The following FIP1L1 variants were observed in gnomAD, a reference collection of about 807,000 sequenced individuals.
FIP1L1 encodes the protein factor interacting with PAPOLA and CPSF1.
Under a neutral mutation model 84.6 loss-of-function variants are expected in FIP1L1, and 21 were observed. The observed-to-expected ratio is 0.25, with a 90% CI of 0.18 to 0.36. The LOEUF (loss-of-function observed/expected upper bound fraction) is 0.36, where lower values mean the gene tolerates loss of function less well. Among genes scored for constraint, FIP1L1 ranks in the 10% least tolerant of loss-of-function variants. The pLI is 1.00. For missense variants in FIP1L1, 526 were observed against 751.1 expected (o/e 0.70, Z 3.50); for synonymous variants, 263 against 242.3 (o/e 1.09, Z -0.80).
At chr4:53,407,524 G>T (rs1271638977) in intron 10 of FIP1L1, among the ~76,000 whole-genome samples, 1 of 152,070 alleles carries the variant, frequency 6.6e-6, no homozygotes, top group African/African-American at 2.4e-5. Flanking sequence ...TGTCTATTAG[G>T]TCTGCTTGGT....
rs193270538 is a variant in FIP1L1 at position 53,409,326 on chromosome 4, G to A, written c.816-5289G>A. Among the ~76,000 whole-genome samples the A allele has an allele frequency of 9.2e-5, 14 of 152,266 alleles. No homozygotes were observed. The East Asian group carries it at 1.9e-3, about 21-fold the overall frequency. On this transcript the variant is annotated intron_variant, in intron 10 of 17. Coordinates refer to ENST00000337488, the MANE Select transcript of FIP1L1 (RefSeq NM_030917.4). ...AGAACAGCGGATTTTCGTGAACCGCGAATGCTGCTGTCTGATCGTTCCTCT... is the reference window on the plus strand; with the variant it reads ...AGAACAGCGGATTTTCGTGAACCGCAAATGCTGCTGTCTGATCGTTCCTCT...
chr4:53,426,725 A>G (rs1764506465), intron 12 of FIP1L1, among the ~76,000 whole-genome samples: 1 of 152,148 alleles, frequency 6.6e-6, no homozygotes, highest in South Asian at 2.1e-4. Context: ...ATGTTTTCAT[A>G]TTCTTAAAAT....
At chr4:53,407,995 T>G (rs916725743) in intron 10 of FIP1L1, among the ~76,000 whole-genome samples, 1 of 152,214 alleles carries the variant, frequency 6.6e-6, no homozygotes, top group African/African-American at 2.4e-5. Flanking sequence ...TTCATTTACA[T>G]TTAAAGCTAA....
At chr4:53,431,182 G>A (rs1766491229) in intron 13 of FIP1L1, among the ~76,000 whole-genome samples, 1 of 152,164 alleles carries the variant, frequency 6.6e-6, no homozygotes, top group Admixed American at 6.5e-5. Flanking sequence ...AATCAGGATG[G>A]GCACTGGCTC....
chr4:53,411,322 A>G (rs1757110788), intron 10 of FIP1L1, among the ~76,000 whole-genome samples: 1 of 152,166 alleles, frequency 6.6e-6, no homozygotes, highest in Non-Finnish European at 1.5e-5. Context: ...AAAAATGAAT[A>G]ATTACCACTG....
intron 10 of FIP1L1, among the ~76,000 whole-genome samples, chr4:53,408,354 G>C (rs7679743): frequency 0.81 from 123,281 of 152,112 alleles, 50,115 homozygotes; most frequent in Middle Eastern, 0.86. Context: ...GAGTTTCTGC[G>C]GAGAGATCTG....
rs892806500 is a variant in FIP1L1 at position 53,430,115 on chromosome 4, A to G, written c.1174+1932A>G. Among the ~76,000 whole-genome samples the G allele has an allele frequency of 1.7e-4, 26 of 152,144 alleles. 3 individuals carry two copies. Among genetic ancestry groups the G allele is most frequent in the Admixed American group, 1.4e-3 (22 of 15,286 alleles). On this transcript the variant is annotated intron_variant, in intron 13 of 17. Transcript: ENST00000337488. Reference sequence around the variant, plus strand: ...TTGTCACAAATGACAGAATGAAAGGATTTCCTTATTTACAAATATAGTATA... The same window carrying G: ...TTGTCACAAATGACAGAATGAAAGGGTTTCCTTATTTACAAATATAGTATA...
chr4:53,424,707 T>G (rs1159218265), intron 11 of FIP1L1, among the ~76,000 whole-genome samples: 1 of 152,112 alleles, frequency 6.6e-6, no homozygotes, highest in Non-Finnish European at 1.5e-5. Context: ...AGATAAACTC[T>G]TACTAACTCA....
intron 7 of FIP1L1, 69 bp from the exon 8 acceptor site, chr4:53,390,940 G>T: frequency 8.0e-7 from 1 of 1,245,034 alleles, no homozygotes; most frequent in South Asian, 1.6e-5. Context: ...TTATAGTTTA[G>T]TATATTTTTG....
At chr4:53,395,995 T>A (rs1419851816) in intron 9 of FIP1L1, among the ~76,000 whole-genome samples, 1 of 152,010 alleles carries the variant, frequency 6.6e-6, no homozygotes, top group East Asian at 1.9e-4. Context: ...CTTGGCTCAC[T>A]GCAACCTCTA....
chr4:53,407,479 A>G (rs555150115), intron 10 of FIP1L1, among the ~76,000 whole-genome samples: 3 of 151,980 alleles, frequency 2.0e-5, no homozygotes, highest in South Asian at 2.1e-4. Flanking sequence ...AAAAAAATGT[A>G]TATTCTGTTG....
intron 10 of FIP1L1, among the ~76,000 whole-genome samples, chr4:53,404,257 G>A (rs13152101): frequency 6.9e-6 from 1 of 145,404 alleles, no homozygotes; most frequent in African/African-American, 2.6e-5. Context: ...GAGAATATGC[G>A]GTGTTTGGTT....
At chr4:53,411,815 T>C (rs1578543221) in intron 10 of FIP1L1, among the ~76,000 whole-genome samples, 1 of 152,180 alleles carries the variant, frequency 6.6e-6, no homozygotes, top group African/African-American at 2.4e-5. Context: ...TAAAATTTTA[T>C]ATTTAATATA....
intron 16 of FIP1L1, chr4:53,458,405 G>A (rs1020980398): frequency 2.1e-4 from 60 of 282,820 alleles, no homozygotes; most frequent in Admixed American, 7.1e-4. Context: ...AGCTATGAAA[G>A]CACAGAACAA....
At chr4:53,418,931 C>CA (rs1289453696) in intron 11 of FIP1L1, among the ~76,000 whole-genome samples, 1 of 152,164 alleles carries the variant, frequency 6.6e-6, no homozygotes, top group African/African-American at 2.4e-5. Flanking sequence ...AAGATGTGCC[C>CA]ATACCTTGGG....
intron 4 of FIP1L1, 109 bp downstream of exon 4, chr4:53,382,444 T>C (rs1738596122): frequency 3.9e-6 from 3 of 776,322 alleles, no homozygotes; most frequent in African/African-American, 3.5e-5. Context: ...TATCAGGTGT[T>C]ATCTGGCCCT....
chr4:53,411,530 T>G (rs1757221873), intron 10 of FIP1L1, among the ~76,000 whole-genome samples: 1 of 152,184 alleles, frequency 6.6e-6, no homozygotes, highest in South Asian at 2.1e-4. Context: ...TAGACATCTT[T>G]GAAAGTAAAA....
At chr4:53,407,817 C>T (rs916362225) in intron 10 of FIP1L1, among the ~76,000 whole-genome samples, 2 of 151,866 alleles carry the variant, frequency 1.3e-5, no homozygotes. Flanking sequence ...GGACTGCAAC[C>T]CCTGCCTTTT....
At chr4:53,383,636 G>C (rs578126526) in intron 4 of FIP1L1, 137 bp from the exon 5 acceptor site, 13 of 786,108 alleles carry the variant, frequency 1.7e-5, no homozygotes, top group Non-Finnish European at 2.3e-5. Flanking sequence ...CACTCAAGCC[G>C]GGGCGACAAA....
Sources: gnomAD v4.1 joint callset for allele counts (sites outside exome capture counted in the v4.1 genomes callset) on GRCh38, gnomAD v4.1.1 for gene constraint, MANE v1.5 for transcripts, NCBI Gene and HGNC (gene_info 2026-07-23, HGNC 2026-07-21) for gene names.